The following DOCK11 variants were observed in gnomAD, a reference collection of about 807,000 sequenced individuals.
DOCK11 encodes dedicator of cytokinesis protein 11.
A neutral mutation model predicts 169.1 loss-of-function variants in DOCK11; 70 were observed. That is an observed-to-expected ratio of 0.41 (90% CI 0.34 to 0.51). The LOEUF (loss-of-function observed/expected upper bound fraction) is 0.51, where lower values mean the gene tolerates loss of function less well. Among genes scored for constraint, DOCK11 ranks in the 20% least tolerant of loss-of-function variants. The pLI is 0.10. For missense variants in DOCK11, 1,166 were observed against 1,538.8 expected, an observed-to-expected ratio of 0.76 and a Z score of 4.05; for synonymous variants, 529 against 541.3, an observed-to-expected ratio of 0.98 and a Z score of 0.32.
chrX:118,545,584 G>GA (rs912788595), intron 5 of DOCK11, among the ~76,000 whole-genome samples, 192 bp downstream of exon 5: 15 of 110,480 alleles, frequency 1.4e-4, no homozygotes, highest in African/African-American at 4.3e-4. Flanking sequence ...TAGGGTTTAG[G>GA]AAAAAAAATC....
chrX:118,684,189 C>T (rs1351087873), intron 52 of DOCK11, among the ~76,000 whole-genome samples: 1 of 110,823 alleles, frequency 9.0e-6, no homozygotes, highest in African/African-American at 3.3e-5. Context: ...TTCCTTGTCC[C>T]CTTTCAGTGT....
At position 118,566,085 on chromosome X, in the gene DOCK11, G is replaced by C. The variant is rs1481072886; in HGVS notation, c.774G>C (p.Gln258His). Reference protein sequence around the residue: ...YSHYLAAETEQEMEEWLITLK... With the variant: ...YSHYLAAETEHEMEEWLITLK... ...ATTATCTGGCTGCTGAAACTGAGCAGGAAATGGAGGAATGGTTGATAACTT... is the reference window on the plus strand; with the variant it reads ...ATTATCTGGCTGCTGAAACTGAGCACGAAATGGAGGAATGGTTGATAACTT... The change falls in exon 8 of 53, where the codon CAG becomes CAC. Residue 258 changes from glutamine to histidine, a missense_variant. Physicochemically the swap from Gln to His is conservative, Grantham distance 24. Transcript: ENST00000276202. 2 of 1,209,147 alleles carry C rather than the reference G, an allele frequency of 1.7e-6. No homozygotes were observed. The highest frequency in any genetic ancestry group is 4.4e-5 in the Admixed American group (2 of 45,940).
Position 118,671,111 on chromosome X carries a change from T to A in DOCK11, c.5165T>A (p.Ile1722Asn). The A allele has an allele frequency of 8.3e-7, 1 of 1,206,844 alleles. No homozygotes were observed. Among genetic ancestry groups the A allele is most frequent in the Non-Finnish European group, 1.1e-6 (1 of 892,226 alleles). The change falls in exon 46 of 53, where the codon ATC becomes AAC. Residue 1722 changes from isoleucine to asparagine, a missense_variant. By Grantham distance (149) the Ile-to-Asn change is moderately radical (BLOSUM62 -3). Transcript: ENST00000276202. ...YEIISEISKL[I>N]VPIYEKRREF... The stretch of plus-strand genomic sequence containing the variant: ...ATAATTTCTGAGATTTCCAAGTTGA[T>A]CGTTCCAATTTATGAGAAACGTCGT...
chrX:118,503,054 C>A (rs2057586068), intron 1 of DOCK11, among the ~76,000 whole-genome samples: 1 of 100,847 alleles, frequency 9.9e-6, no homozygotes, highest in Non-Finnish European at 2.0e-5. Context: ...TAATATAGTT[C>A]TGGAGAGAGA....
intron 38 of DOCK11, 145 bp from the exon 39 acceptor site, chrX:118,641,045 T>G: frequency 2.1e-6 from 1 of 474,111 alleles, no homozygotes; most frequent in Non-Finnish European, 3.8e-6. Context: ...CGCCTCAGCC[T>G]CCCAAAGTGC....
intron 45 of DOCK11, among the ~76,000 whole-genome samples, chrX:118,668,348 AAG>A (rs2016386304): frequency 8.9e-6 from 1 of 111,778 alleles, no homozygotes; most frequent in South Asian, 3.7e-4. Context: ...CATCTATTGA[AAG>A]AGATATAATT....
At chrX:118,648,540 TTA>T (rs1167452936) in intron 40 of DOCK11, among the ~76,000 whole-genome samples, 1 of 90,972 alleles carries the variant, frequency 1.1e-5, no homozygotes, top group African/African-American at 4.1e-5. Flanking sequence ...ATTTATATAT[TTA>T]TATATAACAT....
Position 118,609,355 on chromosome X carries a change from T to C in DOCK11, c.2949+6T>C, listed in dbSNP as rs1376622428. ...TGGAAGAGAATAAGATTAAGGTAAG[T>C]AAATTAAGGTAAAGAATAACTTTCA... On this transcript the variant is annotated splice_donor_region_variant and intron_variant, in intron 27 of 52. Coordinates refer to ENST00000276202, the MANE Select transcript of DOCK11 (RefSeq NM_144658.4). 8.9e-7 allele frequency: 1 copy of C among 1,124,100 alleles called. No individual in the cohort carries two copies. The highest frequency in any genetic ancestry group is 1.2e-6 in the Non-Finnish European group (1 of 829,744). The allele number at this position is 1,124,100 out of a possible 1,213,427, so 92.6% of individuals were successfully genotyped here. A position where few individuals can be genotyped will look rare whatever the true frequency, so the allele number is the denominator to read the frequency against.
At chrX:118,674,401 C>T (rs2016560833) in intron 46 of DOCK11, among the ~76,000 whole-genome samples, 1 of 112,183 alleles carries the variant, frequency 8.9e-6, no homozygotes, top group Non-Finnish European at 1.9e-5. Context: ...CTGTCTCAGC[C>T]TTCCAAAGTG....
intron 1 of DOCK11, among the ~76,000 whole-genome samples, chrX:118,498,016 T>C (rs967133334): frequency 8.9e-6 from 1 of 111,970 alleles, no homozygotes; most frequent in Non-Finnish European, 1.9e-5. Flanking sequence ...TTGGCAGGAG[T>C]CTTTTCTAGG....
In DOCK11 at chrX:118,573,877, T is replaced by C; in HGVS notation, c.1248T>C (p.His416=). 1 of 1,211,571 alleles carries C rather than the reference T, an allele frequency of 8.3e-7. No homozygotes were observed. Among genetic ancestry groups the C allele is most frequent in the African/African-American group, 1.7e-5 (1 of 57,775 alleles). ...ATTGTAAGATTTCAGCAGACTTTCA[T>C]GTAGACCTGAATCCCCCATCTGTCC... The part of the protein sequence containing the change: ...KNNCKISADF[H]VDLNPPSVRE... The change falls in exon 12 of 53, where the codon CAT becomes CAC. Residue 416 remains histidine (H), a synonymous_variant. Transcript: ENST00000276202.
intron 23 of DOCK11, among the ~76,000 whole-genome samples, chrX:118,600,445 G>A (rs192878911): frequency 9.2e-6 from 1 of 108,421 alleles, no homozygotes; most frequent in Admixed American, 9.9e-5. Context: ...AAAGATTAGG[G>A]CATCTGCCGG....
At chrX:118,638,454 A>G (rs1025436582) in intron 37 of DOCK11, among the ~76,000 whole-genome samples, 5 of 112,082 alleles carry the variant, frequency 4.5e-5, no homozygotes, top group African/African-American at 9.7e-5. Flanking sequence ...TTTTGTCTGA[A>G]AACTATCAAT....
rs765649820 is a variant in DOCK11, at chrX:118,639,312, C to T, written c.4002-123C>T. 3.4e-5 allele frequency: 22 copies of T among 645,790 alleles called. No homozygotes were observed. In the African/African-American group the frequency reaches 4.7e-4, roughly 14 times the overall value. 53.2% of individuals were successfully genotyped at this position (645,790 alleles called of 1,213,427 possible). A position where few individuals can be genotyped will look rare whatever the true frequency, so the allele number is the denominator to read the frequency against. On this transcript the variant is annotated intron_variant, in intron 37 of 52. Coordinates refer to ENST00000276202, the MANE Select transcript of DOCK11 (RefSeq NM_144658.4). Reference sequence around the variant, plus strand: ...CTTCATCCAGTTTCTAGTGACACTTCATTTAATCCTTGAGTGTACTACTAT... The same window carrying T: ...CTTCATCCAGTTTCTAGTGACACTTTATTTAATCCTTGAGTGTACTACTAT...
rs772716910 is a variant in DOCK11 at position 118,575,169 on chromosome X, A to G, written c.1389+1151A>G. Among the ~76,000 whole-genome samples, 9 of 111,889 alleles carry G rather than the reference A, an allele frequency of 8.0e-5. No individual in the cohort carries two copies. The South Asian group carries it at 3.4e-3, about 42-fold the overall frequency. On this transcript the variant is annotated intron_variant, in intron 12 of 52. Transcript: ENST00000276202. ...TAAAAGTCTCCACCCAAAAGACAAT[A>G]CCTATTAACATTTTGGTAAACATCT... is the stretch of plus-strand genomic sequence containing the variant.
At chrX:118,650,979 G>T (rs890548368) in intron 41 of DOCK11, among the ~76,000 whole-genome samples, 3 of 111,746 alleles carry the variant, frequency 2.7e-5, no homozygotes, top group Non-Finnish European at 3.8e-5. Flanking sequence ...GCCACACAGT[G>T]AATTATTGAT....
chrX:118,588,050 C>G (rs1042979436), intron 16 of DOCK11, 87 bp from the exon 17 acceptor site: 20 of 810,925 alleles, frequency 2.5e-5, no homozygotes, highest in Non-Finnish European at 3.2e-5. Context: ...TTTGAGAATG[C>G]AATTCATGTA....
At chrX:118,539,588 T>C (rs1483841636) in intron 1 of DOCK11, among the ~76,000 whole-genome samples, 1 of 111,881 alleles carries the variant, frequency 8.9e-6, no homozygotes, top group African/African-American at 3.3e-5. Context: ...ATTTCTCATG[T>C]TCTCATCACA....
intron 52 of DOCK11, among the ~76,000 whole-genome samples, chrX:118,684,278 T>C (rs914195666): frequency 3.1e-5 from 3 of 97,038 alleles, no homozygotes; most frequent in East Asian, 6.2e-4. Flanking sequence ...TTTCTTTTTT[T>C]TTTTTTTTTT....
Sources: gnomAD v4.1 joint callset for allele counts (sites outside exome capture counted in the v4.1 genomes callset) on GRCh38, gnomAD v4.1.1 for gene constraint, MANE v1.5 for transcripts, NCBI Gene and HGNC (gene_info 2026-07-23, HGNC 2026-07-21) for gene names.